The following DRD2 variants were observed in gnomAD, a reference collection of about 807,000 sequenced individuals.
DRD2 encodes the protein dopamine receptor D2, also known as D(2) dopamine receptor.
DRD2 carries 8 observed loss-of-function variants against 38.0 expected under a neutral mutation model. That is an observed-to-expected ratio of 0.21 (90% CI 0.12 to 0.38). The LOEUF (loss-of-function observed/expected upper bound fraction) is 0.38, where lower values mean the gene tolerates loss of function less well. Among genes scored for constraint, DRD2 ranks in the 10% least tolerant of loss-of-function variants. The pLI, the probability that DRD2 is intolerant of heterozygous loss-of-function variation, is 1.00. For synonymous variants in DRD2, 230 were observed against 238.6 expected (o/e 0.96, Z 0.33); for missense variants, 403 against 607.7 (o/e 0.66, Z 3.54).
chr11:113,428,458 A>T (rs184415246), intron 1 of DRD2, among the ~76,000 whole-genome samples: 8 of 152,298 alleles, frequency 5.3e-5, no homozygotes, highest in African/African-American at 7.2e-5. Context: ...AAAAACTGTC[A>T]GTTGCCAACA....
At chr11:113,473,693 G>A (rs1591308003) in intron 1 of DRD2, among the ~76,000 whole-genome samples, 1 of 152,198 alleles carries the variant, frequency 6.6e-6, no homozygotes, top group Non-Finnish European at 1.5e-5. Context: ...AAGGAGGGAA[G>A]TCCAAGGCAG....
At chr11:113,460,435 G>A (rs1401639927) in intron 1 of DRD2, among the ~76,000 whole-genome samples, 1 of 152,244 alleles carries the variant, frequency 6.6e-6, no homozygotes, top group Non-Finnish European at 1.5e-5. Flanking sequence ...TTGACCTAGG[G>A]AGACACTCGA....
At chr11:113,430,253 C>T (rs1950973990) in intron 1 of DRD2, among the ~76,000 whole-genome samples, 1 of 152,202 alleles carries the variant, frequency 6.6e-6, no homozygotes, top group Admixed American at 6.5e-5. Flanking sequence ...TAGCAGCTGG[C>T]CTGGAAGATA....
chr11:113,425,921 G>A (rs1448141232), intron 1 of DRD2, among the ~76,000 whole-genome samples: 1 of 152,064 alleles, frequency 6.6e-6, no homozygotes. Context: ...AAACTGCAGG[G>A]ACATTTACAG....
At chr11:113,442,339 C>T (rs933366019) in intron 1 of DRD2, among the ~76,000 whole-genome samples, 2 of 152,152 alleles carry the variant, frequency 1.3e-5, no homozygotes, top group Non-Finnish European at 2.9e-5. Flanking sequence ...GTTTGTGCCC[C>T]GTGTTTTATA....
At chr11:113,421,763 G>A (rs1361484287) in intron 2 of DRD2, among the ~76,000 whole-genome samples, 1 of 152,212 alleles carries the variant, frequency 6.6e-6, no homozygotes, top group Non-Finnish European at 1.5e-5. Context: ...TGCGCTGATA[G>A]GACATCAGGG....
At chr11:113,436,426 A>C (rs911132656) in intron 1 of DRD2, among the ~76,000 whole-genome samples, 7 of 152,250 alleles carry the variant, frequency 4.6e-5, no homozygotes, top group Non-Finnish European at 1.0e-4. Context: ...TGATTCAAAG[A>C]AACCAATTTT....
intron 1 of DRD2, among the ~76,000 whole-genome samples, chr11:113,433,181 T>G (rs978185740): frequency 1.3e-5 from 2 of 152,174 alleles, no homozygotes; most frequent in African/African-American, 4.8e-5. Flanking sequence ...CAATGGACGA[T>G]GGCAACCTCC....
intron 1 of DRD2, among the ~76,000 whole-genome samples, chr11:113,474,572 C>T (rs1034291313): frequency 6.6e-6 from 1 of 152,192 alleles, no homozygotes; most frequent in Non-Finnish European, 1.5e-5. Context: ...CCATCCTTAG[C>T]TTCTGCCTTA....
Position 113,417,074 on chromosome 11 carries a change from G to A in DRD2, c.396-75C>T, listed in dbSNP as rs540749484. The A allele has an allele frequency of 1.8e-5, 29 of 1,569,980 alleles. No individual in the cohort carries two copies. The African/African-American group carries it at 2.2e-4, about 12-fold the overall frequency. ...CACTCCACAATATGCACACACCAGA[G>A]ACACCCTCACTCCTTGGGGCTAAAC... On this transcript the variant is annotated intron_variant, in intron 3 of 7. Coordinates refer to ENST00000362072, the MANE Select transcript of DRD2 (RefSeq NM_000795.4).
chr11:113,462,327 G>T (rs1951329788), intron 1 of DRD2, among the ~76,000 whole-genome samples: 1 of 152,186 alleles, frequency 6.6e-6, no homozygotes, highest in African/African-American at 2.4e-5. Flanking sequence ...CCACCCGGAA[G>T]CTCAGAAGGT....
intron 1 of DRD2, among the ~76,000 whole-genome samples, chr11:113,438,539 C>T (rs1385664725): frequency 6.6e-6 from 1 of 152,202 alleles, no homozygotes. Flanking sequence ...CCCCAATTTT[C>T]TGCATGCTTC....
At chr11:113,438,751 A>C (rs180739510) in intron 1 of DRD2, among the ~76,000 whole-genome samples, 2 of 152,316 alleles carry the variant, frequency 1.3e-5, no homozygotes, top group Admixed American at 6.5e-5. Context: ...TTCCTGGTAA[A>C]TCTAAGGATG....
rs904287542 is a variant in DRD2, at chr11:113,415,622, G to A, written c.533-11C>T. 2 of 1,606,770 alleles carry A rather than the reference G, an allele frequency of 1.2e-6. No homozygotes were observed. The highest frequency in any genetic ancestry group is 2.7e-5 in the African/African-American group (2 of 74,858). On this transcript the variant is annotated splice_polypyrimidine_tract_variant and intron_variant, in intron 4 of 7. Coordinates refer to ENST00000362072, the MANE Select transcript of DRD2 (RefSeq NM_000795.4). ...TGCACTCGTTCTGGTCTGGGGGAGG[G>A]AGAGCCCGGGCAGGCAGGGAGTCAG...
At position 113,471,694 on chromosome 11, in the gene DRD2, T is replaced by A. The variant is rs377032417; in HGVS notation, c.-32+3382A>T. 6.6e-5 allele frequency among the ~76,000 whole-genome samples: 10 copies of A among 152,108 alleles called. No individual in the cohort carries two copies. In the East Asian group the frequency reaches 1.5e-3, roughly 23 times the overall value. Reference sequence around the variant, plus strand: ...TGGTGTTCAGAAACTGGAAAATTCATTGGAAAAAGTTCTGTTTAGGAGAAC... The same window carrying A: ...TGGTGTTCAGAAACTGGAAAATTCAATGGAAAAAGTTCTGTTTAGGAGAAC... On this transcript the variant is annotated intron_variant, in intron 1 of 7. Coordinates refer to ENST00000362072, the MANE Select transcript of DRD2 (RefSeq NM_000795.4).
At position 113,410,463 on chromosome 11, in the gene DRD2, G is replaced by A; in HGVS notation, c.*264C>T. 3 of 566,564 alleles carry A rather than the reference G, an allele frequency of 5.3e-6. No homozygotes were observed. Among genetic ancestry groups the A allele is most frequent in the Non-Finnish European group, 6.4e-6 (2 of 314,036 alleles). 35.1% of individuals were successfully genotyped at this position (566,564 alleles called of 1,614,324 possible). A position where few individuals can be genotyped will look rare whatever the true frequency, so the allele number is the denominator to read the frequency against. ...TGCCAAGGATAGGGGGACTGGAGGT[G>A]GGAGGGGGGACTCTATGAGCTGCCC... is the stretch of plus-strand genomic sequence containing the variant. On this transcript the variant is annotated 3_prime_UTR_variant, in exon 8 of 8. Coordinates refer to ENST00000362072, the MANE Select transcript of DRD2 (RefSeq NM_000795.4).
intron 1 of DRD2, among the ~76,000 whole-genome samples, chr11:113,441,939 CTCTG>C (rs1388156907): frequency 6.8e-6 from 1 of 147,990 alleles, no homozygotes; most frequent in Non-Finnish European, 1.5e-5. Context: ...CAGAGTGAGA[CTCTG>C]TCTCCAAAAA....
intron 1 of DRD2, among the ~76,000 whole-genome samples, chr11:113,450,533 G>A (rs766284748): frequency 6.6e-6 from 1 of 152,236 alleles, no homozygotes; most frequent in Non-Finnish European, 1.5e-5. Flanking sequence ...CTAATGGACA[G>A]CAGAGCCAAA....
intron 1 of DRD2, among the ~76,000 whole-genome samples, chr11:113,450,674 A>G (rs908405225): frequency 1.3e-5 from 2 of 152,204 alleles, no homozygotes; most frequent in South Asian, 2.1e-4. Flanking sequence ...ATATCAAGTG[A>G]TCAGAAGTCT....
Sources: gnomAD v4.1 joint callset for allele counts (sites outside exome capture counted in the v4.1 genomes callset) on GRCh38, gnomAD v4.1.1 for gene constraint, MANE v1.5 for transcripts, NCBI Gene and HGNC (gene_info 2026-07-23, HGNC 2026-07-21) for gene names.